Variants in RAPGEF6 observed in about 807,000 individuals in gnomAD.
RAPGEF6 encodes Rap guanine nucleotide exchange factor 6, also known as PDZ domain containing guanine nucleotide exchange factor (GEF) 2.
A neutral mutation model predicts 171.4 loss-of-function variants in RAPGEF6; 56 were observed. The observed-to-expected ratio is 0.33, with a 90% CI of 0.26 to 0.41. RAPGEF6 has a LOEUF of 0.41. Ranked by LOEUF, RAPGEF6 falls within the 10% of genes least tolerant of loss-of-function variation. The probability of loss-of-function intolerance (pLI) is 1.00; values close to 1 mark genes in which losing one functional copy is unlikely to be tolerated. For synonymous variants in RAPGEF6, 692 were observed against 650.1 expected (o/e 1.06, Z -0.98); for missense variants, 1,674 against 1,921.4 (o/e 0.87, Z 2.41).
chr5:131,561,310 C>T (rs1291430053), intron 5 of RAPGEF6, among the ~76,000 whole-genome samples: 2 of 152,180 alleles, frequency 1.3e-5, no homozygotes, highest in East Asian at 3.9e-4. Context: ...TAGTCTAGGG[C>T]ACAGACTATA....
intron 4 of RAPGEF6, among the ~76,000 whole-genome samples, chr5:131,567,597 G>A (rs1762031577): frequency 6.6e-6 from 1 of 151,974 alleles, no homozygotes; most frequent in South Asian, 2.1e-4. Context: ...TGTAGTCAGT[G>A]GACAAACTTC....
At chr5:131,621,314 G>T (rs999283158) in intron 1 of RAPGEF6, among the ~76,000 whole-genome samples, 4 of 151,722 alleles carry the variant, frequency 2.6e-5, no homozygotes, top group Non-Finnish European at 5.9e-5. Context: ...TTTTCAGACA[G>T]GGTCTCACTG....
chr5:131,628,805 C>T (rs1766107983), intron 1 of RAPGEF6, among the ~76,000 whole-genome samples: 3 of 152,128 alleles, frequency 2.0e-5, no homozygotes, highest in Admixed American at 1.3e-4. Context: ...TCTGCCTGTG[C>T]TCAGTAAATA....
At chr5:131,461,415 G>A (rs1753924670) in intron 19 of RAPGEF6, among the ~76,000 whole-genome samples, 1 of 152,114 alleles carries the variant, frequency 6.6e-6, no homozygotes, top group South Asian at 2.1e-4. Context: ...CATATCCAAA[G>A]ATGATATAAT....
intron 2 of RAPGEF6, among the ~76,000 whole-genome samples, chr5:131,604,196 A>G (rs1271300068): frequency 6.6e-6 from 1 of 152,190 alleles, no homozygotes; most frequent in Non-Finnish European, 1.5e-5. Flanking sequence ...GGCATAATAA[A>G]TATCAACACA....
At chr5:131,577,402 A>C (rs949633552) in intron 4 of RAPGEF6, among the ~76,000 whole-genome samples, 2 of 152,218 alleles carry the variant, frequency 1.3e-5, no homozygotes, top group Non-Finnish European at 2.9e-5. Context: ...GCCTGTCCTC[A>C]AGAAGCTACA....
In RAPGEF6 at chr5:131,591,485, T is replaced by C. The variant is rs539123818; in HGVS notation, c.281+898A>G. Among the ~76,000 whole-genome samples, 6 of 152,338 alleles carry C rather than the reference T, an allele frequency of 3.9e-5. No individual in the cohort carries two copies. In the South Asian group the frequency reaches 1.2e-3, roughly 32 times the overall value. Reference sequence around the variant, plus strand: ...TGCTATGAAAGAGGTTGTATTATTATGCTCATTTTACAAATGAGCAAAGTA... The same window carrying C: ...TGCTATGAAAGAGGTTGTATTATTACGCTCATTTTACAAATGAGCAAAGTA... On this transcript the variant is annotated intron_variant, in intron 4 of 27. Transcript: ENST00000509018.
Position 131,624,343 on chromosome 5 carries a change from T to C in RAPGEF6, c.69+10619A>G, listed in dbSNP as rs192480252. Among the ~76,000 whole-genome samples, 21 of 152,198 alleles carry C rather than the reference T, an allele frequency of 1.4e-4. No individual in the cohort carries two copies. In the East Asian group the frequency reaches 2.7e-3, roughly 20 times the overall value. On this transcript the variant is annotated intron_variant, in intron 1 of 27. Coordinates refer to ENST00000509018, the MANE Select transcript of RAPGEF6 (RefSeq NM_016340.6). ...ACCATACTGTTCCCATCCTATGCAA[T>C]GCACAGAAACAGAAGAGATTTTAGT...
chr5:131,451,284 C>T (rs1351272283), intron 21 of RAPGEF6, among the ~76,000 whole-genome samples: 1 of 152,012 alleles, frequency 6.6e-6, no homozygotes, highest in Non-Finnish European at 1.5e-5. Flanking sequence ...CAACTACTTG[C>T]AAAAACAAAG....
chr5:131,461,662 G>T, intron 19 of RAPGEF6, 43 bp downstream of exon 19: 1 of 1,523,186 alleles, frequency 6.6e-7, no homozygotes, highest in South Asian at 1.3e-5. Context: ...TGCATGTAAT[G>T]ACAAAACCAT....
chr5:131,565,723 CA>C lies in RAPGEF6; in HGVS notation c.282-3677del, dbSNP rs1761889979. Among the ~76,000 whole-genome samples the C allele has an allele frequency of 9.2e-5, 14 of 152,104 alleles. No homozygotes were observed. The South Asian group carries it at 2.9e-3, about 32-fold the overall frequency. ...TTCAACTGATTTTTGGCAAAGGTAC[CA>C]AAAGAATTCAATGGAGAAAGATAAT... On this transcript the variant is annotated intron_variant, in intron 4 of 27. Coordinates refer to ENST00000509018, the MANE Select transcript of RAPGEF6 (RefSeq NM_016340.6).
intron 7 of RAPGEF6, among the ~76,000 whole-genome samples, chr5:131,517,119 G>A (rs975880071): frequency 6.6e-6 from 1 of 152,136 alleles, no homozygotes; most frequent in Non-Finnish European, 1.5e-5. Flanking sequence ...GGTCTATTAG[G>A]GCAGGGAGAG....
At chr5:131,456,649 C>CCATCA (rs1415503800) in intron 19 of RAPGEF6, among the ~76,000 whole-genome samples, 1 of 152,186 alleles carries the variant, frequency 6.6e-6, no homozygotes, top group Non-Finnish European at 1.5e-5. Flanking sequence ...CTCTACAGTA[C>CCATCA]CATCACATAG....
intron 15 of RAPGEF6, among the ~76,000 whole-genome samples, chr5:131,484,538 A>C (rs1454504765): frequency 6.6e-6 from 1 of 152,160 alleles, no homozygotes; most frequent in Non-Finnish European, 1.5e-5. Context: ...ACACTGATGA[A>C]TGAAGCATAG....
At chr5:131,491,819 A>AAAACTGTCTTCCAT in intron 14 of RAPGEF6, among the ~76,000 whole-genome samples, 1 of 152,314 alleles carries the variant, frequency 6.6e-6, no homozygotes, top group South Asian at 2.1e-4. Flanking sequence ...GGTCCGTGGA[A>AAAACTGTCTTCCAT]AAACTGTCTT....
chr5:131,531,674 T>C (rs193183482), intron 6 of RAPGEF6, among the ~76,000 whole-genome samples: 1 of 152,320 alleles, frequency 6.6e-6, no homozygotes, highest in Non-Finnish European at 1.5e-5. Flanking sequence ...CACAATTCAA[T>C]TGTAAAATAG....
intron 6 of RAPGEF6, 49 bp from the exon 7 acceptor site, chr5:131,521,570 T>G: frequency 1.3e-6 from 2 of 1,549,822 alleles, no homozygotes; most frequent in Non-Finnish European, 1.7e-6. Flanking sequence ...GCTTTACCTT[T>G]TTAAGCGGTT....
At position 131,491,557 on chromosome 5, in the gene RAPGEF6, C is replaced by T. The variant is rs190729305; in HGVS notation, c.1731+1025G>A. Among the ~76,000 whole-genome samples, 157 of 152,278 alleles carry T rather than the reference C, an allele frequency of 1.0e-3. 1 individual carries two copies. Among genetic ancestry groups the T allele is most frequent in the Non-Finnish European group, 1.5e-3 (105 of 68,028 alleles). On this transcript the variant is annotated intron_variant, in intron 14 of 27. Transcript: ENST00000509018. ...GTCCCCAACCACCAGGACACAGACC[C>T]ATGGCCTGTTAGGAACTGGGCCACA...
In RAPGEF6 at chr5:131,553,010, C is replaced by G. The variant is rs544588084; in HGVS notation, c.352-4820G>C. On this transcript the variant is annotated intron_variant, in intron 5 of 27. Transcript: ENST00000509018. ...AACAAAAGAAAATTTGAAAATGAGCCAGAGATGATAAACAGTAACCAAGCA... is the reference window on the plus strand; with the variant it reads ...AACAAAAGAAAATTTGAAAATGAGCGAGAGATGATAAACAGTAACCAAGCA... 2.0e-5 allele frequency among the ~76,000 whole-genome samples: 3 copies of G among 152,024 alleles called. No individual in the cohort carries two copies. The South Asian group carries it at 6.2e-4, about 32-fold the overall frequency.
Sources: allele counts gnomAD v4.1 joint callset (sites outside exome capture counted in the v4.1 genomes callset), GRCh38; gene constraint gnomAD v4.1.1; transcripts MANE v1.5; gene names NCBI Gene and HGNC (gene_info 2026-07-23, HGNC 2026-07-21).